ATAD5: variants seen among roughly 807,000 people sequenced by gnomAD.
The protein encoded by ATAD5 is ATPase family AAA domain containing 5.
In ATAD5, 58 loss-of-function variants were observed where a neutral mutation model predicts 176.9. The observed-to-expected ratio is 0.33, with a 90% CI of 0.27 to 0.41. ATAD5 has a LOEUF of 0.41. Among genes scored for constraint, ATAD5 ranks in the 10% least tolerant of loss-of-function variants. The pLI is 1.00. For synonymous variants in ATAD5, 640 were observed against 712.6 expected (o/e 0.90, Z 1.62); for missense variants, 1,789 against 2,094.1 (o/e 0.85, Z 2.84).
chr17:30,835,345 T>C lies in ATAD5; in HGVS notation c.1264T>C (p.Ser422Pro). The C allele has an allele frequency of 6.2e-7, 1 of 1,613,332 alleles. No homozygotes were observed. The highest frequency in any genetic ancestry group is 8.5e-7 in the Non-Finnish European group (1 of 1,179,768). The change falls in exon 2 of 23, where the codon TCT becomes CCT. Residue 422 changes from serine to proline, a missense_variant. Coordinates refer to ENST00000321990, the MANE Select transcript of ATAD5 (RefSeq NM_024857.5). Reference protein sequence around the residue: ...SDALKNGVKKSSDKQKDLNEK... With the variant: ...SDALKNGVKKPSDKQKDLNEK... ...TGCACTTAAAAATGGAGTTAAAAAG[T>C]CTTCTGATAAGCAGAAAGACCTTAA...
chr17:30,886,912 G>A (rs1289223717), intron 18 of ATAD5, among the ~76,000 whole-genome samples: 1 of 152,082 alleles, frequency 6.6e-6, no homozygotes, highest in East Asian at 1.9e-4. Flanking sequence ...TTTTATCAAG[G>A]TTTATAAAAC....
At position 30,888,112 on chromosome 17, in the gene ATAD5, C is replaced by T. The variant is rs142255301; in HGVS notation, c.4258+740C>T. ...CCTCCCAAAGTACTGGGATTAGAGG[C>T]GTGAGCCACCGTACTTGGCCCAAAA... On this transcript the variant is annotated intron_variant, in intron 19 of 22. Transcript: ENST00000321990. 2.6e-3 allele frequency among the ~76,000 whole-genome samples: 391 copies of T among 151,748 alleles called. 2 individuals are homozygous for T. The highest frequency in any genetic ancestry group is 9.0e-3 in the African/African-American group (370 of 41,338).
intron 3 of ATAD5, among the ~76,000 whole-genome samples, chr17:30,839,580 C>CTT (rs1250741925): frequency 1.0e-3 from 112 of 112,240 alleles, no homozygotes; most frequent in African/African-American, 3.0e-3. Flanking sequence ...CGGCCATCTT[C>CTT]TTTTTTTTTT....
chr17:30,850,150 A>T (rs527712423), intron 6 of ATAD5, among the ~76,000 whole-genome samples: 11 of 149,696 alleles, frequency 7.3e-5, no homozygotes, highest in African/African-American at 1.2e-4. Context: ...CTAAAAAAAA[A>T]TTTTTTTTTT....
intron 10 of ATAD5, among the ~76,000 whole-genome samples, chr17:30,860,994 T>C (rs1007045702): frequency 6.6e-6 from 1 of 152,042 alleles, no homozygotes; most frequent in African/African-American, 2.4e-5. Flanking sequence ...TTTGTATTTT[T>C]AGTAGAGACG....
chr17:30,868,117 T>G (rs1205648080), intron 11 of ATAD5, among the ~76,000 whole-genome samples: 1 of 152,226 alleles, frequency 6.6e-6, no homozygotes, highest in African/African-American at 2.4e-5. Flanking sequence ...ATTTTACTCT[T>G]TAGTTGATTC....
chr17:30,845,881 G>T (rs1906464842), intron 6 of ATAD5, among the ~76,000 whole-genome samples: 1 of 152,160 alleles, frequency 6.6e-6, no homozygotes, highest in Non-Finnish European at 1.5e-5. Context: ...TTGTGGGAGT[G>T]AGAGTGTGGG....
At chr17:30,885,649 G>GT (rs1567699161) in intron 18 of ATAD5, among the ~76,000 whole-genome samples, 1 of 126,962 alleles carries the variant, frequency 7.9e-6, no homozygotes, top group African/African-American at 3.0e-5. Context: ...TTTTTTTTTG[G>GT]TTGAGATGGA....
chr17:30,866,392 C>T (rs185873742), intron 11 of ATAD5, among the ~76,000 whole-genome samples: 44 of 150,272 alleles, frequency 2.9e-4, no homozygotes, highest in Non-Finnish European at 2.8e-4. Context: ...GAGACAGTTT[C>T]GCCATGTTGG....
At chr17:30,878,723 T>G (rs983690392) in intron 17 of ATAD5, among the ~76,000 whole-genome samples, 6 of 82,530 alleles carry the variant, frequency 7.3e-5, no homozygotes, top group East Asian at 6.1e-4. Flanking sequence ...GTGGTGTTTT[T>G]TTTTTTTTTT....
At chr17:30,867,391 CAAAAAAA>C (rs1908063241) in intron 11 of ATAD5, among the ~76,000 whole-genome samples, 1 of 151,804 alleles carries the variant, frequency 6.6e-6, no homozygotes, top group Non-Finnish European at 1.5e-5. Flanking sequence ...AAGACTGTCT[CAAAAAAA>C]GAAAAATACT....
chr17:30,894,197 A>C (rs1413033763), intron 21 of ATAD5, 47 bp downstream of exon 21: 1 of 1,427,876 alleles, frequency 7.0e-7, no homozygotes, highest in Non-Finnish European at 9.4e-7. Flanking sequence ...ATAAATCGTA[A>C]AGGGGAAATC....
At chr17:30,866,418 A>T (rs1597979732) in intron 11 of ATAD5, among the ~76,000 whole-genome samples, 1 of 149,964 alleles carries the variant, frequency 6.7e-6, no homozygotes, top group Non-Finnish European at 1.5e-5. Context: ...CTGGTCTCAA[A>T]CTCCTGACCT....
Position 30,835,123 on chromosome 17 carries a change from C to A in ATAD5, c.1042C>A (p.Gln348Lys). 6.2e-7 allele frequency: 1 copy of A among 1,614,018 alleles called. No homozygotes were observed. The highest frequency in any genetic ancestry group is 8.5e-7 in the Non-Finnish European group (1 of 1,179,958). The change falls in exon 2 of 23, where the codon CAA becomes AAA. Residue 348 changes from glutamine (Q) to lysine (K), a missense_variant. Transcript: ENST00000321990. ...KIPRIFLKQK[Q>K]FEMENSLSDP... ...ACCCCGAATTTTCTTGAAACAAAAG[C>A]AATTTGAAATGGAAAATAGTTTATC... is the stretch of plus-strand genomic sequence containing the variant.
At chr17:30,840,020 G>A (rs961970254) in intron 3 of ATAD5, among the ~76,000 whole-genome samples, 9 of 151,646 alleles carry the variant, frequency 5.9e-5, no homozygotes, top group South Asian at 4.2e-4. Context: ...CCAACATGGC[G>A]AACCCCATCT....
chr17:30,844,852 C>G lies in ATAD5; in HGVS notation c.2386C>G (p.Pro796Ala). The change falls in exon 6 of 23, where the codon CCT (proline) becomes GCT (alanine). Residue 796 changes from proline (P) to alanine (A), a missense_variant. This residue lies in a region of ATAD5 where 487 missense variants were observed against 573.6 expected (regional missense o/e 0.85). Transcript: ENST00000321990. ...KNVPGKMKVA[P>A]LFLVRKAQKA... Reference sequence around the variant, plus strand: ...TTTCTAAGGAAAAATGAAAGTCGCTCCTTTATTTCTTGTCAGAAAAGCACA... The same window carrying G: ...TTTCTAAGGAAAAATGAAAGTCGCTGCTTTATTTCTTGTCAGAAAAGCACA... The G allele has an allele frequency of 6.3e-7, 1 of 1,598,048 alleles. No homozygotes were observed. Among genetic ancestry groups the G allele is most frequent in the Admixed American group, 1.8e-5 (1 of 55,732 alleles).
chr17:30,857,148 T>G lies in ATAD5; in HGVS notation c.2793+36T>G, dbSNP rs73277967. The G allele has an allele frequency of 8.0e-4, 1,255 of 1,570,076 alleles. 14 individuals carry two copies. In the African/African-American group the frequency reaches 0.016, roughly 20 times the overall value. ...AATAGTTCATCCATTGTAGAGTGTT[T>G]CCCTTACATCTTGCAGAGGAAAAAC... On this transcript the variant is annotated intron_variant, in intron 8 of 22. Coordinates refer to ENST00000321990, the MANE Select transcript of ATAD5 (RefSeq NM_024857.5).
intron 19 of ATAD5, among the ~76,000 whole-genome samples, chr17:30,891,096 T>C (rs540312036): frequency 1.3e-5 from 2 of 152,148 alleles, no homozygotes; most frequent in African/African-American, 4.8e-5. Flanking sequence ...GTAATATTGA[T>C]GGAGAGAATT....
intron 8 of ATAD5, among the ~76,000 whole-genome samples, chr17:30,857,355 A>G (rs1260289957): frequency 1.3e-5 from 2 of 151,952 alleles, no homozygotes; most frequent in Admixed American, 6.6e-5. Flanking sequence ...AGCTGGGACT[A>G]CAGGCACACA....
Sources: allele counts gnomAD v4.1 joint callset (sites outside exome capture counted in the v4.1 genomes callset), GRCh38; gene constraint gnomAD v4.1.1; regional missense constraint gnomAD v4.1.1; transcripts MANE v1.5; gene names NCBI Gene and HGNC (gene_info 2026-07-23, HGNC 2026-07-21).